The following ASAP2 variants were observed in gnomAD, a reference collection of about 807,000 sequenced individuals.
ASAP2 encodes the protein arf-GAP with SH3 domain, ANK repeat and PH domain-containing protein 2.
Under a neutral mutation model 131.4 loss-of-function variants are expected in ASAP2, and 45 were observed. The ratio of observed to expected loss-of-function variants is 0.34; its 90% CI spans 0.27 to 0.44. The LOEUF is 0.44. Among genes scored for constraint, ASAP2 ranks in the 20% least tolerant of loss-of-function variants. The pLI is 1.00. For synonymous variants in ASAP2, 510 were observed against 503.0 expected, an observed-to-expected ratio of 1.01 and a Z score of -0.19; for missense variants, 1,011 against 1,297.0, an observed-to-expected ratio of 0.78 and a Z score of 3.39.
At position 9,281,153 on chromosome 2, in the gene ASAP2, C is replaced by T. The variant is rs1208046849; in HGVS notation, c.199+1764C>T. 2.1e-5 allele frequency among the ~76,000 whole-genome samples: 3 copies of T among 142,756 alleles called. No homozygotes were observed. Among genetic ancestry groups the T allele is most frequent in the Non-Finnish European group, 3.1e-5 (2 of 63,662 alleles). 93.7% of individuals were successfully genotyped at this position (142,756 alleles called of 152,430 possible). ...TCTTGGAAGATTTTTTTTTTTTTTA[C>T]TGCGTTCACTTGGACTTTTTGAGTT... On this transcript the variant is annotated intron_variant, in intron 2 of 27. Coordinates refer to ENST00000281419, the MANE Select transcript of ASAP2 (RefSeq NM_003887.3). This position sits in a 1 kb window ranked among gnomAD's most constrained non-coding sequence, Gnocchi z 4.0.
chr2:9,370,444 A>G (rs1351967796), intron 16 of ASAP2, among the ~76,000 whole-genome samples: 2 of 152,176 alleles, frequency 1.3e-5, no homozygotes, highest in Non-Finnish European at 2.9e-5. Context: ...TGACAATGTG[A>G]TCATCCTCTC....
At chr2:9,341,932 G>A (rs925720615) in intron 9 of ASAP2, among the ~76,000 whole-genome samples, 2 of 152,132 alleles carry the variant, frequency 1.3e-5, no homozygotes, top group African/African-American at 4.8e-5. Flanking sequence ...TTGTTTCAGG[G>A]TTGGTTGTCA....
At chr2:9,358,629 G>T in intron 14 of ASAP2, 127 bp from the exon 15 acceptor site, 5 of 1,195,236 alleles carry the variant, frequency 4.2e-6, no homozygotes, top group Non-Finnish European at 5.8e-6. Flanking sequence ...AAAGTTTCCA[G>T]CTGTGTTAAG....
rs181422824 is a variant in ASAP2, at chr2:9,386,988, A to G, written c.2131-1306A>G. On this transcript the variant is annotated intron_variant, in intron 21 of 27. Transcript: ENST00000281419. ...GGGAGGCTGAGGCGGGCGGATCACG[A>G]GGTCAGGAGATTGAGACCATCTTGG... Among the ~76,000 whole-genome samples the G allele has an allele frequency of 3.3e-5, 5 of 150,752 alleles. No individual in the cohort carries two copies. In the East Asian group the frequency reaches 5.8e-4, roughly 18 times the overall value.
chr2:9,314,922 CAAAAAAAAA>C (rs34360769), intron 3 of ASAP2, among the ~76,000 whole-genome samples: 226 of 102,306 alleles, frequency 2.2e-3, no homozygotes, highest in African/African-American at 7.7e-3. Context: ...GACTCCATCT[CAAAAAAAAA>C]AAAAAAAAAA....
At position 9,374,857 on chromosome 2, in the gene ASAP2, C is replaced by T. The variant is rs376301112; in HGVS notation, c.1659C>T (p.Ala553=). The part of the protein sequence containing the change: ...NAAKLHSLCE[A]VKTRDIFGLL... ...CGAAGCTTCACAGTCTTTGCGAGGC[C>T]GTCAAAACGAGAGATATTTTTGGAT... Residue 553 remains alanine, a synonymous_variant, in exon 17 of 28, where the codon GCC becomes GCT. Coordinates refer to ENST00000281419, the MANE Select transcript of ASAP2 (RefSeq NM_003887.3). The T allele has an allele frequency of 8.7e-6, 14 of 1,613,880 alleles. No individual in the cohort carries two copies. The highest frequency in any genetic ancestry group is 4.0e-5 in the African/African-American group (3 of 74,866).
At chr2:9,300,160 G>A (rs776913748) in intron 3 of ASAP2, among the ~76,000 whole-genome samples, 17 of 152,232 alleles carry the variant, frequency 1.1e-4, no homozygotes, top group Admixed American at 2.6e-4. Context: ...TTAAGCCCAG[G>A]AAGCGGAGAT....
At chr2:9,283,550 G>A (rs1263812520) in intron 2 of ASAP2, among the ~76,000 whole-genome samples, 1 of 152,166 alleles carries the variant, frequency 6.6e-6, no homozygotes, top group African/African-American at 2.4e-5. Flanking sequence ...CTTAGCTCAC[G>A]GCTCCCTTCC....
At chr2:9,274,639 A>G (rs757466266) in intron 1 of ASAP2, among the ~76,000 whole-genome samples, 2 of 152,104 alleles carry the variant, frequency 1.3e-5, no homozygotes, top group Non-Finnish European at 2.9e-5. Context: ...TCAATCTTAA[A>G]CAATCATTCT....
chr2:9,388,486 C>A lies in ASAP2; in HGVS notation c.2323C>A (p.Gln775Lys), dbSNP rs752226584. 2 of 1,614,064 alleles carry A rather than the reference C, an allele frequency of 1.2e-6. No individual in the cohort carries two copies. Among genetic ancestry groups the A allele is most frequent in the Non-Finnish European group, 1.7e-6 (2 of 1,179,994 alleles). The change falls in exon 22 of 28, where the codon CAG (glutamine) becomes AAG (lysine). Residue 775 changes from glutamine (Q) to lysine (K), a missense_variant. This residue lies in a region of ASAP2 where 652 missense variants were observed against 698.9 expected (regional missense o/e 0.93). Coordinates refer to ENST00000281419, the MANE Select transcript of ASAP2 (RefSeq NM_003887.3). The stretch of plus-strand genomic sequence containing the variant: ...CCTGAGTGGCAGCCCACCTCCCGCC[C>A]AGCCTGCAGCCCCCAGCACCACCAG... Reference protein sequence around the residue: ...ALLSGSPPPAQPAAPSTTSAP... With the variant: ...ALLSGSPPPAKPAAPSTTSAP...
intron 3 of ASAP2, among the ~76,000 whole-genome samples, chr2:9,308,471 A>T (rs1190827938): frequency 6.6e-6 from 1 of 152,154 alleles, no homozygotes; most frequent in Non-Finnish European, 1.5e-5. Context: ...TTGAGCGGGG[A>T]CACAGACCCA....
At chr2:9,357,499 C>T (rs754891312) in intron 14 of ASAP2, among the ~76,000 whole-genome samples, 3 of 151,914 alleles carry the variant, frequency 2.0e-5, no homozygotes, top group South Asian at 2.1e-4. Flanking sequence ...ACAAAAAACC[C>T]GAAAATACGT....
chr2:9,240,483 C>T (rs1406385552), intron 1 of ASAP2, among the ~76,000 whole-genome samples: 9 of 151,922 alleles, frequency 5.9e-5, no homozygotes, highest in African/African-American at 2.2e-4. Flanking sequence ...TGGACTGGAG[C>T]GATTCACCTG....
rs1160895138 is a variant in ASAP2, at chr2:9,392,825, C to T, written c.2519-657C>T. Among the ~76,000 whole-genome samples the T allele has an allele frequency of 6.6e-6, 1 of 152,094 alleles. No homozygotes were observed. Among genetic ancestry groups the T allele is most frequent in the Non-Finnish European group, 1.5e-5 (1 of 68,016 alleles). On this transcript the variant is annotated intron_variant, in intron 23 of 27. Coordinates refer to ENST00000281419, the MANE Select transcript of ASAP2 (RefSeq NM_003887.3). This position sits in a 1 kb window ranked among gnomAD's most constrained non-coding sequence, Gnocchi z 4.0. ...TGATAAGCCCGACATTTAGAGAGGG[C>T]TTAATGCCTATCAAGGGAGGAGAGA...
At chr2:9,250,720 T>C (rs1407668528) in intron 1 of ASAP2, among the ~76,000 whole-genome samples, 1 of 152,158 alleles carries the variant, frequency 6.6e-6, no homozygotes, top group Non-Finnish European at 1.5e-5. Flanking sequence ...AGAGCCAGGG[T>C]GGAGCGGAGG....
chr2:9,229,627 G>A (rs1206497607), intron 1 of ASAP2, among the ~76,000 whole-genome samples: 1 of 152,246 alleles, frequency 6.6e-6, no homozygotes, highest in Non-Finnish European at 1.5e-5. Context: ...GGAAGGACAT[G>A]CAGGTGTTAG....
intron 1 of ASAP2, among the ~76,000 whole-genome samples, chr2:9,250,242 A>G (rs1664614130): frequency 6.6e-6 from 1 of 152,142 alleles, no homozygotes; most frequent in South Asian, 2.1e-4. Context: ...AACTCCACAA[A>G]CTGTAAGGAA....
intron 1 of ASAP2, among the ~76,000 whole-genome samples, chr2:9,250,438 G>T (rs1664626460): frequency 6.6e-6 from 1 of 152,210 alleles, no homozygotes; most frequent in Non-Finnish European, 1.5e-5. Context: ...GAGTGGGGAT[G>T]CAGGATGCCA....
At position 9,396,912 on chromosome 2, in the gene ASAP2, G is replaced by A. The variant is rs532960164; in HGVS notation, c.2685-3111G>A. Among the ~76,000 whole-genome samples the A allele has an allele frequency of 2.2e-4, 33 of 152,326 alleles. No homozygotes were observed. In the South Asian group the frequency reaches 6.6e-3, roughly 31 times the overall value. ...AGCTACTCGGGAGGCAGAGGCAGGA[G>A]AATCACTTGAACCCAGGAGGTGGAG... On this transcript the variant is annotated intron_variant, in intron 24 of 27. Transcript: ENST00000281419.
Sources: gnomAD v4.1 joint callset for allele counts (sites outside exome capture counted in the v4.1 genomes callset) on GRCh38, gnomAD v4.1.1 for gene constraint, gnomAD v4.1.1 regional missense constraint, Gnocchi (gnomAD v3.1) non-coding constraint, MANE v1.5 for transcripts, NCBI Gene and HGNC (gene_info 2026-07-23, HGNC 2026-07-21) for gene names.